The following LRRTM4 variants were observed in gnomAD, a reference collection of about 807,000 sequenced individuals.
LRRTM4 encodes leucine-rich repeat transmembrane neuronal protein 4.
A neutral mutation model predicts 47.6 loss-of-function variants in LRRTM4; 25 were observed. The observed-to-expected ratio is 0.53, with a 90% CI of 0.38 to 0.73. LRRTM4 has a LOEUF of 0.73. Ranked by LOEUF, LRRTM4 falls within the 30% of genes least tolerant of loss-of-function variation. LRRTM4 has a pLI of 0.00. For missense variants in LRRTM4, 638 were observed against 713.4 expected (o/e 0.89, Z 1.20); for synonymous variants, 311 against 269.5 (o/e 1.15, Z -1.51).
chr2:76,748,708 C>G lies in LRRTM4; in HGVS notation c.1760G>C (p.Arg587Thr). The part of the protein sequence containing the change: ...RSAAPAIYLE[R>T]IAN ...TTGGCTTCAGCGTTAGTTTGCAATT[C>G]TCTCTAGGTAGATGGCCGGTGCTGC... Residue 587 changes from arginine to threonine, a missense_variant, in exon 4 of 4, where the codon AGA becomes ACA. Coordinates refer to ENST00000409884, the MANE Select transcript of LRRTM4 (RefSeq NM_001134745.3). The G allele has an allele frequency of 1.3e-6, 2 of 1,522,114 alleles. No homozygotes were observed. The highest frequency in any genetic ancestry group is 1.8e-6 in the Non-Finnish European group (2 of 1,122,366). 94.3% of individuals were successfully genotyped at this position (1,522,114 alleles called of 1,614,324 possible). A position where few individuals can be genotyped will look rare whatever the true frequency, so the allele number is the denominator to read the frequency against.
intron 3 of LRRTM4, among the ~76,000 whole-genome samples, chr2:76,809,256 G>A (rs939994158): frequency 2.0e-5 from 3 of 152,086 alleles, no homozygotes; most frequent in Admixed American, 6.6e-5. Flanking sequence ...TACATTTTGT[G>A]TTGTAAGCTT....
intron 3 of LRRTM4, among the ~76,000 whole-genome samples, chr2:76,875,797 A>T (rs927189499): frequency 6.6e-6 from 1 of 152,148 alleles, no homozygotes; most frequent in African/African-American, 2.4e-5. Context: ...CTTGCTAGTC[A>T]TTTCATATCC....
intron 3 of LRRTM4, among the ~76,000 whole-genome samples, chr2:77,466,673 C>T (rs959578869): frequency 5.4e-5 from 8 of 149,392 alleles, no homozygotes; most frequent in Non-Finnish European, 7.4e-5. Context: ...ATATTTGGTG[C>T]TATGATAAAA....
intron 3 of LRRTM4, among the ~76,000 whole-genome samples, chr2:77,478,146 AT>A (rs1388379505): frequency 3.3e-5 from 5 of 152,006 alleles, no homozygotes; most frequent in Admixed American, 6.6e-5. Context: ...CCTCTTTAGT[AT>A]TTTTCTTTCC....
chr2:76,836,044 G>T (rs887307320), intron 3 of LRRTM4, among the ~76,000 whole-genome samples: 12 of 151,754 alleles, frequency 7.9e-5, no homozygotes, highest in Admixed American at 2.6e-4. Context: ...ACAATGTTGG[G>T]AAGAAGTTGA....
chr2:77,441,306 T>G (rs1482895882), intron 3 of LRRTM4, among the ~76,000 whole-genome samples: 1 of 152,234 alleles, frequency 6.6e-6, no homozygotes, highest in African/African-American at 2.4e-5. Flanking sequence ...GTAACTCATC[T>G]TTGAAGATGC....
chr2:77,218,466 C>G (rs1674521261), intron 3 of LRRTM4, among the ~76,000 whole-genome samples: 1 of 151,988 alleles, frequency 6.6e-6, no homozygotes, highest in East Asian at 1.9e-4. Flanking sequence ...TAAATCCCAT[C>G]TCTCTTAATG....
chr2:77,084,899 T>C (rs954840458), intron 3 of LRRTM4, among the ~76,000 whole-genome samples: 8 of 152,152 alleles, frequency 5.3e-5, no homozygotes, highest in African/African-American at 1.9e-4. Flanking sequence ...TTAATAATGG[T>C]AGTGATAATT....
Position 76,799,989 on chromosome 2 carries a change from G to A in LRRTM4, c.1552-51073C>T, listed in dbSNP as rs534119795. ...AATGGAAGAACATTCCATGCTCGTG[G>A]GTAGGAAGAATCAATATCGTGAAAA... On this transcript the variant is annotated intron_variant, in intron 3 of 3. Coordinates refer to ENST00000409884, the MANE Select transcript of LRRTM4 (RefSeq NM_001134745.3). Among the ~76,000 whole-genome samples the A allele has an allele frequency of 4.9e-4, 74 of 151,870 alleles. No homozygotes were observed. The South Asian group carries it at 0.015, about 31-fold the overall frequency.
At chr2:77,265,838 A>C (rs1676035370) in intron 3 of LRRTM4, among the ~76,000 whole-genome samples, 1 of 152,218 alleles carries the variant, frequency 6.6e-6, no homozygotes, top group Admixed American at 6.5e-5. Flanking sequence ...ATATTAGAAT[A>C]GTTGATTATT....
intron 3 of LRRTM4, among the ~76,000 whole-genome samples, chr2:76,944,854 A>C (rs1675270705): frequency 6.6e-6 from 1 of 152,064 alleles, no homozygotes; most frequent in Non-Finnish European, 1.5e-5. Flanking sequence ...CAATCAGAAT[A>C]ATCTATTTGT....
chr2:77,210,243 A>T (rs1170735068), intron 3 of LRRTM4, among the ~76,000 whole-genome samples: 1 of 152,184 alleles, frequency 6.6e-6, no homozygotes, highest in Non-Finnish European at 1.5e-5. Flanking sequence ...ATTGGAAATA[A>T]CATTTCTGCT....
At chr2:77,302,886 C>T (rs1677168423) in intron 3 of LRRTM4, among the ~76,000 whole-genome samples, 1 of 151,994 alleles carries the variant, frequency 6.6e-6, no homozygotes, top group Non-Finnish European at 1.5e-5. Flanking sequence ...TTAATATAGC[C>T]TAATATAGAA....
intron 3 of LRRTM4, among the ~76,000 whole-genome samples, chr2:77,197,782 T>C (rs1195267032): frequency 6.6e-6 from 1 of 152,206 alleles, no homozygotes; most frequent in African/African-American, 2.4e-5. Context: ...GCCTAATTTA[T>C]CATTATGATA....
intron 3 of LRRTM4, among the ~76,000 whole-genome samples, chr2:76,821,877 TC>T (rs1671062550): frequency 6.6e-6 from 1 of 151,626 alleles, no homozygotes; most frequent in Non-Finnish European, 1.5e-5. Context: ...CACCTCTCTC[TC>T]CCTGTTCCTC....
intron 3 of LRRTM4, among the ~76,000 whole-genome samples, chr2:76,926,957 A>G (rs997119828): frequency 2.6e-5 from 4 of 152,132 alleles, no homozygotes; most frequent in Non-Finnish European, 5.9e-5. Flanking sequence ...CAAAGCAAAG[A>G]TACGTGAAAA....
At position 77,071,329 on chromosome 2, in the gene LRRTM4, TG is replaced by T. The variant is rs528680371; in HGVS notation, c.1552-322414del. Among the ~76,000 whole-genome samples, 422 of 152,276 alleles carry T rather than the reference TG, an allele frequency of 2.8e-3. 2 individuals carry two copies. Among genetic ancestry groups the T allele is most frequent in the African/African-American group, 9.4e-3 (392 of 41,560 alleles). On this transcript the variant is annotated intron_variant, in intron 3 of 3. Transcript: ENST00000409884. ...TATTCTTTTTGATATATGCATATTT[TG>T]TTATGGTTATCCAGAGACCTTCACA...
intron 3 of LRRTM4, among the ~76,000 whole-genome samples, chr2:77,361,372 C>A (rs1357878851): frequency 6.6e-6 from 1 of 152,096 alleles, no homozygotes; most frequent in Non-Finnish European, 1.5e-5. Flanking sequence ...CTAAACTCTA[C>A]CCCTTTTTAA....
intron 3 of LRRTM4, chr2:77,517,994 G>C (rs1679284573): frequency 1.9e-6 from 2 of 1,051,238 alleles, no homozygotes; most frequent in Admixed American, 1.1e-4. Context: ...AGAAATTTCA[G>C]AATGAAAAGA....
Sources: allele counts gnomAD v4.1 joint callset (sites outside exome capture counted in the v4.1 genomes callset), GRCh38; gene constraint gnomAD v4.1.1; transcripts MANE v1.5; gene names NCBI Gene and HGNC (gene_info 2026-07-23, HGNC 2026-07-21).